The following POLA1 variants were observed in gnomAD, a reference collection of about 807,000 sequenced individuals.
The protein encoded by POLA1 is DNA polymerase alpha 1, catalytic subunit.
POLA1 carries 15 observed loss-of-function variants against 124.0 expected under a neutral mutation model. The observed-to-expected ratio is 0.12, with a 90% CI of 0.08 to 0.19. The LOEUF is 0.19. Ranked by LOEUF, POLA1 falls within the 10% of genes least tolerant of loss-of-function variation. POLA1 has a pLI of 1.00. For missense variants in POLA1, 886 were observed against 1,103.4 expected (o/e 0.80, Z 2.79); for synonymous variants, 408 against 389.4 (o/e 1.05, Z -0.56).
At chrX:24,823,403 C>CTT (rs1405893977) in intron 31 of POLA1, among the ~76,000 whole-genome samples, 5 of 99,298 alleles carry the variant, frequency 5.0e-5, no homozygotes, top group African/African-American at 3.6e-5. Flanking sequence ...TATCATGACA[C>CTT]TTTTTTTTTT....
rs1426455234 is a variant in POLA1, at chrX:24,717,620, C to A, written c.949C>A (p.Gln317Lys). The stretch of plus-strand genomic sequence containing the variant: ...GGATGTCTCTTGTTGGGACATTGAT[C>A]AAGAAGGTGATAGCAGTTTCTCAGT... ...LPDVSCWDID[Q>K]EGDSSFSVQE... is the part of the protein sequence containing the mutation. Residue 317 changes from glutamine (Q) to lysine (K), a missense_variant, in exon 10 of 37, where the codon CAA (glutamine) becomes AAA (lysine). Gln to Lys is a moderately conservative substitution (Grantham distance 53, BLOSUM62 1). Around this residue, in one of 7 missense-constraint regions of POLA1, gnomAD observed 337 missense variants for 402.8 expected, o/e 0.84. Transcript: ENST00000379068. The A allele has an allele frequency of 9.1e-6, 11 of 1,207,728 alleles. No individual in the cohort carries two copies. The highest frequency in any genetic ancestry group is 1.1e-5 in the Non-Finnish European group (10 of 893,449).
At chrX:24,969,549 A>G (rs1033680957) in intron 36 of POLA1, among the ~76,000 whole-genome samples, 1 of 110,707 alleles carries the variant, frequency 9.0e-6, no homozygotes, top group Non-Finnish European at 1.9e-5. Context: ...TGATATTTAT[A>G]TATGTAATTG....
intron 26 of POLA1, among the ~76,000 whole-genome samples, chrX:24,797,019 G>A (rs1419758838): frequency 8.9e-6 from 1 of 111,931 alleles, no homozygotes; most frequent in Non-Finnish European, 1.9e-5. Flanking sequence ...CTAAATGTCT[G>A]TGATTCTCTG....
chrX:24,755,785 AG>A (rs1932570299), intron 26 of POLA1, among the ~76,000 whole-genome samples: 1 of 112,087 alleles, frequency 8.9e-6, no homozygotes, highest in Admixed American at 9.4e-5. Flanking sequence ...TTCTTCTAAA[AG>A]TTGCAAGGTT....
chrX:24,889,970 C>A (rs2047120856), intron 35 of POLA1, among the ~76,000 whole-genome samples: 1 of 111,970 alleles, frequency 8.9e-6, no homozygotes, highest in African/African-American at 3.2e-5. Context: ...TTCAGTTGTT[C>A]TTTTGCATAT....
chrX:24,743,380 A>T (rs1193045953), intron 23 of POLA1, 51 bp downstream of exon 23: 3 of 624,673 alleles, frequency 4.8e-6, no homozygotes, highest in Non-Finnish European at 7.8e-6. Flanking sequence ...GAATTTCTTA[A>T]TGTGGATCTA....
intron 26 of POLA1, among the ~76,000 whole-genome samples, chrX:24,774,973 T>C (rs892638377): frequency 8.9e-6 from 1 of 112,622 alleles, no homozygotes; most frequent in Middle Eastern, 4.6e-3. Context: ...ATTTGTTAGA[T>C]GACTAGTGGG....
intron 36 of POLA1, among the ~76,000 whole-genome samples, chrX:24,937,860 A>G (rs2047871159): frequency 8.9e-6 from 1 of 112,508 alleles, no homozygotes; most frequent in African/African-American, 3.2e-5. Flanking sequence ...TCCTTTTGGT[A>G]AAACTTTAAA....
chrX:24,950,730 T>G (rs2048025977), intron 36 of POLA1, among the ~76,000 whole-genome samples: 1 of 112,020 alleles, frequency 8.9e-6, no homozygotes, highest in Non-Finnish European at 1.9e-5. Context: ...GATTCCTAGT[T>G]CAGATAAAGG....
chrX:24,783,998 T>TG (rs1244042433), intron 26 of POLA1, among the ~76,000 whole-genome samples: 3 of 110,187 alleles, frequency 2.7e-5, no homozygotes, highest in South Asian at 3.9e-4. Context: ...TGCTTAGTTT[T>TG]GGGGGGGAAG....
chrX:24,708,990 A>G (rs1929042627), intron 4 of POLA1, among the ~76,000 whole-genome samples: 1 of 88,907 alleles, frequency 1.1e-5, no homozygotes, highest in African/African-American at 3.9e-5. Flanking sequence ...CACCTCCCGG[A>G]CGGGGCGGCT....
intron 32 of POLA1, among the ~76,000 whole-genome samples, chrX:24,828,830 T>C (rs2046215367): frequency 9.0e-6 from 1 of 111,679 alleles, no homozygotes; most frequent in African/African-American, 3.3e-5. Flanking sequence ...ATTGGCCTGA[T>C]GCCTGCCTGG....
intron 35 of POLA1, among the ~76,000 whole-genome samples, chrX:24,889,517 A>G (rs1467446302): frequency 8.9e-6 from 1 of 112,302 alleles, no homozygotes; most frequent in Non-Finnish European, 1.9e-5. Flanking sequence ...CACTTTCCAA[A>G]TTCGTCTAGC....
intron 35 of POLA1, among the ~76,000 whole-genome samples, chrX:24,918,207 CAAA>C (rs764856044): frequency 4.8e-5 from 4 of 82,503 alleles, no homozygotes; most frequent in Non-Finnish European, 4.9e-5. Context: ...CCATCACCAC[CAAA>C]AAAAAAAAAA....
intron 26 of POLA1, among the ~76,000 whole-genome samples, chrX:24,763,553 AAG>A (rs1307743663): frequency 9.0e-6 from 1 of 111,156 alleles, no homozygotes; most frequent in African/African-American, 3.3e-5. Flanking sequence ...AGAGAGTGGA[AAG>A]AGAAGTGGGT....
At chrX:24,739,949 T>A (rs1931532524) in intron 20 of POLA1, among the ~76,000 whole-genome samples, 1 of 111,727 alleles carries the variant, frequency 9.0e-6, no homozygotes, top group African/African-American at 3.3e-5. Flanking sequence ...CCTGAGTTCT[T>A]TCTTGGACTT....
chrX:24,710,118 T>A (rs199876225), intron 4 of POLA1, among the ~76,000 whole-genome samples: 1 of 22,040 alleles, frequency 4.5e-5, no homozygotes, highest in African/African-American at 1.6e-4. Context: ...CGCCGGCGCC[T>A]TTTTTTTTTT....
rs2045163777 is a variant in POLA1 at position 24,777,508 on chromosome X, TTATTG to T, written c.2964+28523_2964+28527del. 3.9e-5 allele frequency among the ~76,000 whole-genome samples: 3 copies of T among 77,780 alleles called. No individual in the cohort carries two copies. In the East Asian group the frequency reaches 1.3e-3, roughly 33 times the overall value. 67.5% of individuals were successfully genotyped at this position (77,780 alleles called of 115,157 possible). A position where few individuals can be genotyped will look rare whatever the true frequency, so the allele number is the denominator to read the frequency against. On this transcript the variant is annotated intron_variant, in intron 26 of 36. Coordinates refer to ENST00000379068, the MANE Select transcript of POLA1 (RefSeq NM_001330360.2). ...TCTTTGTGTTTTTATTTTAAAAAGCTTATTGTATTGTCTTGTATTAAAAAAACACA... is the reference window on the plus strand; with the variant it reads ...TCTTTGTGTTTTTATTTTAAAAAGCTTATTGTCTTGTATTAAAAAAACACA...
At chrX:24,811,334 G>A (rs185519446) in intron 28 of POLA1, among the ~76,000 whole-genome samples, 174 of 108,042 alleles carry the variant, frequency 1.6e-3, no homozygotes, top group Non-Finnish European at 2.5e-3. Context: ...GTGCAGTGGC[G>A]TGATCTCGGC....
Sources: allele counts gnomAD v4.1 joint callset (sites outside exome capture counted in the v4.1 genomes callset), GRCh38; gene constraint gnomAD v4.1.1; regional missense constraint gnomAD v4.1.1; transcripts MANE v1.5; gene names NCBI Gene and HGNC (gene_info 2026-07-23, HGNC 2026-07-21).